The following PLXNA4 variants were observed in gnomAD, a reference collection of about 807,000 sequenced individuals.
The protein encoded by PLXNA4 is plexin A4.
PLXNA4 carries 44 observed loss-of-function variants against 191.8 expected under a neutral mutation model. That is an observed-to-expected ratio of 0.23 (90% CI 0.18 to 0.29). The LOEUF (loss-of-function observed/expected upper bound fraction) is 0.29. PLXNA4 is among the 10% of genes least tolerant of loss of function. The pLI, the probability that PLXNA4 is intolerant of heterozygous loss-of-function variation, is 1.00. For missense variants in PLXNA4, 1,800 were observed against 2,488.8 expected (o/e 0.72, Z 5.89); for synonymous variants, 1,082 against 1,009.5 (o/e 1.07, Z -1.36).
intron 13 of PLXNA4, among the ~76,000 whole-genome samples, chr7:132,194,556 G>A (rs1345342559): frequency 1.3e-5 from 2 of 152,218 alleles, no homozygotes; most frequent in African/African-American, 2.4e-5. Context: ...CCCAAGGGCT[G>A]CAGCAAGTCA....
rs1393928980 is a variant in PLXNA4 at position 132,228,348 on chromosome 7, G to C, written c.1726C>G (p.Leu576Val). The change falls in exon 6 of 32, where the codon CTG (leucine) becomes GTG (valine). Residue 576 changes from leucine to valine, a missense_variant and splice_region_variant. Coordinates refer to ENST00000321063, the MANE Select transcript of PLXNA4 (RefSeq NM_020911.2). ...NNISVSQYNV[L>V]LVLETYNVPE... ...ACCCCAACCCCCACGACCCTTACCA[G>C]CACGTTGTACTGAGAGACGGAGATA... 1 of 1,614,054 alleles carries C rather than the reference G, an allele frequency of 6.2e-7. No homozygotes were observed. Among genetic ancestry groups the C allele is most frequent in the Admixed American group, 1.7e-5 (1 of 60,008 alleles).
chr7:132,175,938 T>C (rs1796442294), intron 20 of PLXNA4, among the ~76,000 whole-genome samples: 2 of 152,086 alleles, frequency 1.3e-5, no homozygotes, highest in African/African-American at 2.4e-5. Flanking sequence ...AGGGAGAAAA[T>C]ATTTTGTGAA....
At chr7:132,516,753 T>C (rs891514737) in intron 1 of PLXNA4, among the ~76,000 whole-genome samples, 4 of 151,710 alleles carry the variant, frequency 2.6e-5, no homozygotes, top group African/African-American at 4.8e-5. Flanking sequence ...AGGTCAGGAG[T>C]TTGAGACCAG....
At chr7:132,226,533 T>C (rs1304122574) in intron 7 of PLXNA4, among the ~76,000 whole-genome samples, 1 of 152,254 alleles carries the variant, frequency 6.6e-6, no homozygotes, top group Non-Finnish European at 1.5e-5. Context: ...TGCATTTGCA[T>C]GCATGATGTC....
intron 4 of PLXNA4, among the ~76,000 whole-genome samples, chr7:132,282,605 T>A (rs896073754): frequency 1.3e-5 from 1 of 76,138 alleles, no homozygotes; most frequent in Admixed American, 2.0e-4. Context: ...CCAGACCTTG[T>A]CTCAGAAAAA....
At chr7:132,314,837 C>A (rs1056188299) in intron 3 of PLXNA4, among the ~76,000 whole-genome samples, 2 of 152,178 alleles carry the variant, frequency 1.3e-5, no homozygotes, top group Non-Finnish European at 2.9e-5. Context: ...TCTGATCATG[C>A]CAGCTTGTTG....
intron 3 of PLXNA4, among the ~76,000 whole-genome samples, chr7:132,304,800 C>A (rs183301164): frequency 4.7e-4 from 72 of 152,204 alleles, no homozygotes; most frequent in African/African-American, 1.1e-3. Context: ...CTCCCTCCCC[C>A]CTGTCCTCTG....
intron 3 of PLXNA4, among the ~76,000 whole-genome samples, chr7:132,370,456 C>G (rs775541088): frequency 2.0e-5 from 3 of 152,198 alleles, no homozygotes; most frequent in Admixed American, 2.0e-4. Context: ...GTGATGCTCT[C>G]CTGGCCTTAT....
intron 2 of PLXNA4, among the ~76,000 whole-genome samples, chr7:132,619,338 C>A (rs1217705327): frequency 6.6e-6 from 1 of 152,014 alleles, no homozygotes; most frequent in East Asian, 1.9e-4. Context: ...ACATGAAATA[C>A]AATCTCACGA....
intron 24 of PLXNA4, among the ~76,000 whole-genome samples, chr7:132,161,695 A>G (rs192620650): frequency 1.3e-3 from 186 of 148,596 alleles, no homozygotes; most frequent in African/African-American, 4.5e-3. Flanking sequence ...GGCACCTAGC[A>G]CCCTGGCAGG....
rs188010859 is a variant in PLXNA4, at chr7:132,502,725, T to A, written c.1188+4781A>T. ...CATGACCTTGAGTGAAACACTTGAG[T>A]TTTGTGTTCCTCCATTCCCTCAACT... On this transcript the variant is annotated intron_variant, in intron 2 of 31. Transcript: ENST00000321063. 4.9e-4 allele frequency among the ~76,000 whole-genome samples: 74 copies of A among 152,136 alleles called. 1 individual carries two copies. The highest frequency in any genetic ancestry group is 4.8e-3 in the Admixed American group (74 of 15,292).
At chr7:132,497,756 A>G (rs1431412796) in intron 2 of PLXNA4, among the ~76,000 whole-genome samples, 1 of 152,200 alleles carries the variant, frequency 6.6e-6, no homozygotes, top group East Asian at 1.9e-4. Flanking sequence ...GAGAAGTCCT[A>G]TAATAGGTGA....
chr7:132,296,454 T>TA (rs398111903), intron 4 of PLXNA4, among the ~76,000 whole-genome samples: 1 of 151,432 alleles, frequency 6.6e-6, no homozygotes, highest in Non-Finnish European at 1.5e-5. Flanking sequence ...TTTTTTTTTT[T>TA]AGAGACAAAG....
chr7:132,153,846 C>T (rs1376769332), intron 25 of PLXNA4, among the ~76,000 whole-genome samples: 1 of 152,170 alleles, frequency 6.6e-6, no homozygotes, highest in Non-Finnish European at 1.5e-5. Context: ...CACACATGTG[C>T]ACATGCACCT....
At chr7:132,410,473 A>G (rs1794409447) in intron 3 of PLXNA4, among the ~76,000 whole-genome samples, 1 of 152,196 alleles carries the variant, frequency 6.6e-6, no homozygotes, top group South Asian at 2.1e-4. Context: ...TCCCCCCTCC[A>G]CAGGGATAAC....
rs113588271 is a variant in PLXNA4, at chr7:132,436,428, G to A, written c.1371+52864C>T. Among the ~76,000 whole-genome samples the A allele has an allele frequency of 6.2e-3, 939 of 152,298 alleles. 13 individuals carry two copies. The highest frequency in any genetic ancestry group is 0.021 in the African/African-American group (879 of 41,568). The stretch of plus-strand genomic sequence containing the variant: ...CCCAGCCATCCTGGAGCCAGGCGGC[G>A]GAAGCCTTGCCCCATAGATTATGAG... On this transcript the variant is annotated intron_variant, in intron 3 of 31. Transcript: ENST00000321063.
chr7:132,632,809 T>C (rs1803519808), intron 2 of PLXNA4, among the ~76,000 whole-genome samples: 1 of 152,066 alleles, frequency 6.6e-6, no homozygotes, highest in Non-Finnish European at 1.5e-5. Flanking sequence ...TTATGAAAAA[T>C]AGGACAGCCT....
intron 31 of PLXNA4, 65 bp from the exon 32 acceptor site, chr7:132,130,639 C>T: frequency 6.2e-7 from 1 of 1,609,000 alleles, no homozygotes; most frequent in Admixed American, 1.7e-5. Context: ...TCTCAGGAGG[C>T]ACAAAGATGG....
At position 132,129,936 on chromosome 7, in the gene PLXNA4, C is replaced by T. The variant is rs1389420018; in HGVS notation, c.*543G>A. 6.3e-6 allele frequency: 1 copy of T among 157,968 alleles called. No individual in the cohort carries two copies. The highest frequency in any genetic ancestry group is 2.4e-5 in the African/African-American group (1 of 41,578). 9.8% of individuals were successfully genotyped at this position (157,968 alleles called of 1,614,324 possible). A position where few individuals can be genotyped will look rare whatever the true frequency, so the allele number is the denominator to read the frequency against. On this transcript the variant is annotated 3_prime_UTR_variant, in exon 32 of 32. Transcript: ENST00000321063. ...GGAGGTGTAGCCTTTCTTCTCACAG[C>T]TGCAAAGCGATCAGACCACTGGCTG...
Sources: gnomAD v4.1 joint callset for allele counts (sites outside exome capture counted in the v4.1 genomes callset) on GRCh38, gnomAD v4.1.1 for gene constraint, MANE v1.5 for transcripts, NCBI Gene and HGNC (gene_info 2026-07-23, HGNC 2026-07-21) for gene names.